Variants in DISC1 observed in about 807,000 individuals in gnomAD.
DISC1 encodes the protein disrupted in schizophrenia 1 protein.
DISC1 carries 57 observed loss-of-function variants against 84.5 expected under a neutral mutation model. The observed-to-expected ratio is 0.67, with a 90% confidence interval of 0.55 to 0.84. The LOEUF is 0.84. DISC1 is among the 40% of genes least tolerant of loss of function. DISC1 has a pLI of 0.00. For synonymous variants in DISC1, 411 were observed against 415.2 expected, an observed-to-expected ratio of 0.99 and a Z score of 0.12; for missense variants, 1,000 against 1,057.8, an observed-to-expected ratio of 0.95 and a Z score of 0.76.
chr1:231,878,653 G>A (rs554354627), intron 9 of DISC1, among the ~76,000 whole-genome samples: 139 of 152,212 alleles, frequency 9.1e-4, no homozygotes, highest in Non-Finnish European at 1.6e-3. Context: ...TTACTGGAGT[G>A]TAATATGCAT....
At chr1:231,921,739 T>C (rs376754705) in intron 9 of DISC1, among the ~76,000 whole-genome samples, 57 of 152,086 alleles carry the variant, frequency 3.7e-4, no homozygotes, top group African/African-American at 1.2e-3. Flanking sequence ...GATGATTTGA[T>C]GTATGCATAT....
intron 7 of DISC1, among the ~76,000 whole-genome samples, chr1:231,799,469 G>T (rs1373138409): frequency 6.6e-6 from 1 of 152,050 alleles, no homozygotes; most frequent in Admixed American, 6.6e-5. Context: ...CAAAGGAATA[G>T]AATTACATGG....
chr1:231,998,180 G>A (rs1207003829), intron 10 of DISC1, among the ~76,000 whole-genome samples: 1 of 152,192 alleles, frequency 6.6e-6, no homozygotes, highest in Non-Finnish European at 1.5e-5. Flanking sequence ...CGAGCCAGAA[G>A]ATCTCAGAAA....
chr1:231,755,342 C>G (rs1380328093), intron 4 of DISC1, among the ~76,000 whole-genome samples: 5 of 151,780 alleles, frequency 3.3e-5, no homozygotes, highest in Admixed American at 2.0e-4. Context: ...TGCCCAGCCC[C>G]TTTCTCTTTA....
intron 3 of DISC1, among the ~76,000 whole-genome samples, chr1:231,734,265 T>C (rs1012573860): frequency 1.1e-4 from 17 of 152,260 alleles, no homozygotes; most frequent in Admixed American, 9.8e-4. Flanking sequence ...AAAAATTCAG[T>C]TGGTCATTTA....
At chr1:232,036,279 C>G (rs1051599152) in intron 12 of DISC1, among the ~76,000 whole-genome samples, 1 of 152,158 alleles carries the variant, frequency 6.6e-6, no homozygotes, top group African/African-American at 2.4e-5. Context: ...CTGTATTTCT[C>G]AAGGAGATTT....
intron 9 of DISC1, among the ~76,000 whole-genome samples, chr1:231,858,535 G>T (rs201756084): frequency 6.6e-6 from 1 of 152,074 alleles, no homozygotes; most frequent in African/African-American, 2.4e-5. Context: ...GGTCTGTGTC[G>T]CATGCTGTCT....
intron 9 of DISC1, among the ~76,000 whole-genome samples, chr1:231,955,768 G>T (rs1389581029): frequency 6.6e-6 from 1 of 152,128 alleles, no homozygotes. Context: ...GGGATTACAG[G>T]TGTGAGCTAC....
chr1:231,781,013 G>A (rs1334215056), intron 6 of DISC1, among the ~76,000 whole-genome samples: 10 of 104,874 alleles, frequency 9.5e-5, no homozygotes, highest in East Asian at 3.4e-4. Context: ...ACTGTTGTGG[G>A]GTGGGGGGAG....
At chr1:231,976,504 G>C (rs1156447539) in intron 10 of DISC1, among the ~76,000 whole-genome samples, 1 of 152,150 alleles carries the variant, frequency 6.6e-6, no homozygotes, top group African/African-American at 2.4e-5. Flanking sequence ...GTTCACATAG[G>C]ATAATAAGAG....
intron 1 of DISC1, among the ~76,000 whole-genome samples, chr1:231,692,032 C>T (rs980031109): frequency 6.6e-6 from 1 of 152,170 alleles, no homozygotes; most frequent in Non-Finnish European, 1.5e-5. Context: ...CGCTGATATA[C>T]TTGTAGGCAA....
intron 9 of DISC1, among the ~76,000 whole-genome samples, chr1:231,857,181 CTG>C (rs963807411): frequency 1.3e-5 from 2 of 152,228 alleles, no homozygotes; most frequent in African/African-American, 4.8e-5. Context: ...TCAAGGCACT[CTG>C]TGAGTTTTGG....
intron 9 of DISC1, among the ~76,000 whole-genome samples, chr1:231,890,537 G>T (rs1487785279): frequency 6.6e-6 from 1 of 152,184 alleles, no homozygotes; most frequent in Admixed American, 6.5e-5. Context: ...CATAGAAACA[G>T]AAAGTAGAAT....
Position 231,628,948 on chromosome 1 carries a change from G to T in DISC1, c.67+2014G>T, listed in dbSNP as rs146746260. Among the ~76,000 whole-genome samples the T allele has an allele frequency of 4.6e-5, 7 of 151,954 alleles. No individual in the cohort carries two copies. In the East Asian group the frequency reaches 1.4e-3, roughly 29 times the overall value. On this transcript the variant is annotated intron_variant, in intron 1 of 12. Transcript: ENST00000439617. ...GTTGGAGTCTTGCTATGTTGCTCAG[G>T]CTGGTCTCGACCTCCTGGCTTCAAT...
intron 4 of DISC1, among the ~76,000 whole-genome samples, chr1:231,753,570 G>A (rs146592189): frequency 6.6e-6 from 1 of 152,180 alleles, no homozygotes; most frequent in Non-Finnish European, 1.5e-5. Context: ...TGCCATGAAG[G>A]TCTCTGAAAT....
intron 1 of DISC1, among the ~76,000 whole-genome samples, chr1:231,631,169 G>T (rs1004490241): frequency 6.6e-5 from 10 of 152,196 alleles, no homozygotes; most frequent in Non-Finnish European, 1.5e-4. Flanking sequence ...TTGTGTTCTG[G>T]CAGGTAAGAT....
chr1:231,807,211 C>G (rs1359858718), intron 8 of DISC1, among the ~76,000 whole-genome samples: 2 of 152,230 alleles, frequency 1.3e-5, no homozygotes, highest in African/African-American at 4.8e-5. Flanking sequence ...GTTGACCTGA[C>G]TGGTATCACA....
chr1:231,763,176 T>G (rs983378548), intron 4 of DISC1, among the ~76,000 whole-genome samples: 9 of 152,126 alleles, frequency 5.9e-5, no homozygotes, highest in African/African-American at 2.2e-4. Context: ...AACCTGGGAC[T>G]CAGCCTGATC....
chr1:232,002,180 A>AT (rs1420317762), intron 10 of DISC1, among the ~76,000 whole-genome samples: 1 of 152,150 alleles, frequency 6.6e-6, no homozygotes, highest in Non-Finnish European at 1.5e-5. Flanking sequence ...ATGAGATAAC[A>AT]TTACACACCT....
Sources: allele counts gnomAD v4.1 joint callset (sites outside exome capture counted in the v4.1 genomes callset), GRCh38; gene constraint gnomAD v4.1.1; transcripts MANE v1.5; gene names NCBI Gene and HGNC (gene_info 2026-07-23, HGNC 2026-07-21).